Variants in TULP4 observed in about 807,000 individuals in gnomAD.
TULP4 encodes TUB like protein 4, also known as tubby-related protein 4.
Under a neutral mutation model 129.0 loss-of-function variants are expected in TULP4, and 16 were observed. The ratio of observed to expected loss-of-function variants is 0.12; its 90% CI spans 0.08 to 0.19. The LOEUF is 0.19. TULP4 is among the 10% of genes least tolerant of loss of function. TULP4 has a pLI of 1.00. For synonymous variants in TULP4, 998 were observed against 854.0 expected (o/e 1.17, Z -2.94); for missense variants, 1,842 against 2,059.1 (o/e 0.89, Z 2.04).
rs144631040 is a variant in TULP4 at position 158,316,602 on chromosome 6, C to T, written c.252+2334C>T. ...CATATCTGTACCTTTGAAGTGGATA[C>T]GCTTCAAATTTTTTTTTTTATTCTT... On this transcript the variant is annotated intron_variant, in intron 1 of 13. Coordinates refer to ENST00000367097, the MANE Select transcript of TULP4 (RefSeq NM_020245.5). Among the ~76,000 whole-genome samples the T allele has an allele frequency of 2.8e-3, 428 of 152,240 alleles. 1 individual carries two copies. Among genetic ancestry groups the T allele is most frequent in the African/African-American group, 9.3e-3 (388 of 41,546 alleles).
chr6:158,410,287 T>C (rs1268129228), intron 1 of TULP4, among the ~76,000 whole-genome samples: 3 of 152,256 alleles, frequency 2.0e-5, no homozygotes, highest in African/African-American at 7.2e-5. Context: ...ATGTTTTGCC[T>C]CCACTCTTTT....
intron 6 of TULP4, among the ~76,000 whole-genome samples, chr6:158,472,553 T>A (rs1675150924): frequency 6.6e-6 from 1 of 152,182 alleles, no homozygotes; most frequent in African/African-American, 2.4e-5. Context: ...TGTCTAATGA[T>A]TCGAAAATCA....
At chr6:158,389,321 T>C (rs1361589342) in intron 1 of TULP4, among the ~76,000 whole-genome samples, 4 of 152,234 alleles carry the variant, frequency 2.6e-5, no homozygotes, top group Non-Finnish European at 4.4e-5. Flanking sequence ...CATGGTGGTA[T>C]GCACCTTATG....
At chr6:158,403,271 C>A (rs944614317) in intron 1 of TULP4, among the ~76,000 whole-genome samples, 1 of 152,136 alleles carries the variant, frequency 6.6e-6, no homozygotes, top group Non-Finnish European at 1.5e-5. Flanking sequence ...TTCCCCTTCC[C>A]AAGCTGCAGT....
At chr6:158,398,930 TG>T (rs1777782141) in intron 1 of TULP4, among the ~76,000 whole-genome samples, 1 of 152,190 alleles carries the variant, frequency 6.6e-6, no homozygotes, top group Non-Finnish European at 1.5e-5. Flanking sequence ...CTCTTAGAGT[TG>T]TCAGACATTT....
At chr6:158,422,529 A>G (rs1006777128) in intron 2 of TULP4, among the ~76,000 whole-genome samples, 1 of 152,212 alleles carries the variant, frequency 6.6e-6, no homozygotes, top group South Asian at 2.1e-4. Flanking sequence ...TTCTCAGGCC[A>G]GTTTAGACAA....
At chr6:158,436,280 T>C (rs1005489054) in intron 3 of TULP4, among the ~76,000 whole-genome samples, 12 of 152,304 alleles carry the variant, frequency 7.9e-5, no homozygotes, top group African/African-American at 2.9e-4. Flanking sequence ...TATGTTTCTA[T>C]CTGAGACTAT....
chr6:158,349,713 T>G (rs1467895771), intron 1 of TULP4, among the ~76,000 whole-genome samples: 53 of 54,190 alleles, frequency 9.8e-4, no homozygotes, highest in Non-Finnish European at 1.0e-3. Context: ...TCCCAGACGA[T>G]GGGCGGCCGG....
At chr6:158,506,245 T>C (rs1033726348) in intron 13 of TULP4, among the ~76,000 whole-genome samples, 71 of 140,136 alleles carry the variant, frequency 5.1e-4, no homozygotes, top group Admixed American at 1.2e-3. Flanking sequence ...TTTTTTTTTT[T>C]TTTTTGAGAT....
chr6:158,288,569 C>T (rs1328401935), intron 1 of TULP4, among the ~76,000 whole-genome samples: 1 of 151,666 alleles, frequency 6.6e-6, no homozygotes, highest in East Asian at 1.9e-4. Flanking sequence ...GGCGTGATCT[C>T]GGCTCACTGC....
intron 1 of TULP4, among the ~76,000 whole-genome samples, chr6:158,314,531 GGCAGTGGGAAGACGCCCA>G (rs1367375273): frequency 6.6e-6 from 1 of 152,186 alleles, no homozygotes; most frequent in Non-Finnish European, 1.5e-5. Flanking sequence ...AGAGGGTCCG[GGCAGTGGGAAGACGCCCA>G]GCAGTAGGGA....
At chr6:158,412,376 C>T (rs1266892763) in intron 1 of TULP4, among the ~76,000 whole-genome samples, 4 of 152,166 alleles carry the variant, frequency 2.6e-5, no homozygotes, top group Admixed American at 1.3e-4. Flanking sequence ...TTCCCTCAGA[C>T]TCCTCCGGCA....
At chr6:158,494,618 T>G (rs540062871) in intron 10 of TULP4, 135 bp from the exon 11 acceptor site, 225 of 755,074 alleles carry the variant, frequency 3.0e-4, no homozygotes, top group East Asian at 6.3e-4. Flanking sequence ...AAATGGTAGA[T>G]GAGGTAGGGA....
At chr6:158,462,447 C>A (rs1294623098) in intron 6 of TULP4, among the ~76,000 whole-genome samples, 1 of 150,486 alleles carries the variant, frequency 6.6e-6, no homozygotes, top group Non-Finnish European at 1.5e-5. Flanking sequence ...ATTCTTGGCT[C>A]ACTGCAAGCT....
intron 1 of TULP4, among the ~76,000 whole-genome samples, chr6:158,275,327 G>A (rs1778625343): frequency 1.3e-5 from 2 of 152,190 alleles, no homozygotes; most frequent in Admixed American, 1.3e-4. Context: ...GATTCTGATG[G>A]TTCTGTGGAT....
intron 5 of TULP4, among the ~76,000 whole-genome samples, chr6:158,454,305 C>G (rs1490154316): frequency 6.6e-6 from 1 of 152,124 alleles, no homozygotes; most frequent in African/African-American, 2.4e-5. Flanking sequence ...GGAGCTAAAA[C>G]ACAGGATGAT....
At position 158,385,842 on chromosome 6, in the gene TULP4, C is replaced by CTTTTTTTTTTTTTTTTTTTTTTTTT. The variant is rs778595442; in HGVS notation, c.253-27203_253-27202insTTTTTTTTTTTTTTTTTTTTTTTTT. 1.0e-3 allele frequency among the ~76,000 whole-genome samples: 61 copies of CTTTTTTTTTTTTTTTTTTTTTTTTT among 59,584 alleles called. 19 individuals carry two copies. Among genetic ancestry groups the CTTTTTTTTTTTTTTTTTTTTTTTTT allele is most frequent in the African/African-American group, 1.4e-3 (19 of 13,884 alleles). The allele number at this position is 59,584 out of a possible 152,430, so 39.1% of individuals were successfully genotyped here. ...GGAAAAGTCTACAAATGTGGAATAT[C>CTTTTTTTTTTTTTTTTTTTTTTTTT]TTTTTTTTTTTTTTTTTTTTGAGAA... On this transcript the variant is annotated intron_variant, in intron 1 of 13. Coordinates refer to ENST00000367097, the MANE Select transcript of TULP4 (RefSeq NM_020245.5).
intron 10 of TULP4, among the ~76,000 whole-genome samples, chr6:158,494,026 C>T (rs960956808): frequency 3.9e-5 from 6 of 152,188 alleles, no homozygotes; most frequent in Non-Finnish European, 5.9e-5. Flanking sequence ...CCTCACCCTC[C>T]GGGTGCTGCA....
At chr6:158,333,765 C>CTGT (rs1779969545) in intron 1 of TULP4, among the ~76,000 whole-genome samples, 1 of 152,116 alleles carries the variant, frequency 6.6e-6, no homozygotes, top group Non-Finnish European at 1.5e-5. Flanking sequence ...AATGCAGGTA[C>CTGT]TGTTCTATTT....
Sources: gnomAD v4.1 joint callset for allele counts (sites outside exome capture counted in the v4.1 genomes callset) on GRCh38, gnomAD v4.1.1 for gene constraint, MANE v1.5 for transcripts, NCBI Gene and HGNC (gene_info 2026-07-23, HGNC 2026-07-21) for gene names.